CNTN4: variants seen among roughly 807,000 people sequenced by gnomAD.
CNTN4 encodes the protein contactin 4.
Under a neutral mutation model 122.5 loss-of-function variants are expected in CNTN4, and 77 were observed. The observed-to-expected ratio is 0.63, with a 90% CI of 0.52 to 0.76. The LOEUF (loss-of-function observed/expected upper bound fraction) is 0.76, where lower values mean the gene tolerates loss of function less well. Among genes scored for constraint, CNTN4 ranks in the 30% least tolerant of loss-of-function variants. CNTN4 has a pLI of 0.00. For missense variants in CNTN4, 1,256 were observed against 1,259.1 expected (o/e 1.00, Z 0.04); for synonymous variants, 512 against 447.0 (o/e 1.15, Z -1.83).
chr3:3,008,951 T>C (rs1696912813), intron 14 of CNTN4: 1 of 985,040 alleles, frequency 1.0e-6, no homozygotes, highest in Non-Finnish European at 1.2e-6. Context: ...CGCCAAACCT[T>C]GGGCTGCACG....
At chr3:2,145,225 C>A (rs2035187756) in intron 2 of CNTN4, among the ~76,000 whole-genome samples, 1 of 152,202 alleles carries the variant, frequency 6.6e-6, no homozygotes, top group Admixed American at 6.5e-5. Context: ...CAAATTAGTT[C>A]TGGTGGCATT....
intron 24 of CNTN4, 140 bp from the exon 25 acceptor site, chr3:3,055,980 A>G: frequency 1.6e-6 from 1 of 633,632 alleles, no homozygotes. Context: ...CATAGAACTG[A>G]TATTTAAAAG....
chr3:2,146,244 A>C (rs2035243396), intron 2 of CNTN4, among the ~76,000 whole-genome samples: 1 of 151,278 alleles, frequency 6.6e-6, no homozygotes, highest in African/African-American at 2.4e-5. Flanking sequence ...TTCAGTCATC[A>C]TATGCTAAAC....
At chr3:2,824,459 A>AC (rs902900508) in intron 7 of CNTN4, among the ~76,000 whole-genome samples, 29 of 151,556 alleles carry the variant, frequency 1.9e-4, no homozygotes, top group Middle Eastern at 3.4e-3. Context: ...TCTGGCTCAA[A>AC]AAAAACAAAA....
rs189009924 is a variant in CNTN4 at position 2,404,613 on chromosome 3, A to G, written c.-89+65380A>G. On this transcript the variant is annotated intron_variant, in intron 3 of 24. Coordinates refer to ENST00000418658, the MANE Select transcript of CNTN4 (RefSeq NM_175607.3). ...TGCTTTTAAGGACTCATATGATTAC[A>G]TTGGGCCAACTGATTATCTAGGGTA... Among the ~76,000 whole-genome samples, 299 of 152,166 alleles carry G rather than the reference A, an allele frequency of 2.0e-3. 1 individual carries two copies. Among genetic ancestry groups the G allele is most frequent in the African/African-American group, 6.7e-3 (278 of 41,518 alleles).
chr3:2,965,604 T>A (rs911860710), intron 13 of CNTN4, among the ~76,000 whole-genome samples: 3 of 152,254 alleles, frequency 2.0e-5, no homozygotes, highest in Admixed American at 1.3e-4. Context: ...CTTCTTCTTA[T>A]ATCTAAATTG....
chr3:2,946,721 T>G (rs2094683189), intron 13 of CNTN4, among the ~76,000 whole-genome samples: 2 of 146,548 alleles, frequency 1.4e-5, no homozygotes, highest in Admixed American at 6.9e-5. Flanking sequence ...TTTTTTTTTT[T>G]GAGACAGAGT....
intron 3 of CNTN4, among the ~76,000 whole-genome samples, chr3:2,420,004 A>T (rs1162457818): frequency 6.6e-6 from 1 of 152,196 alleles, no homozygotes; most frequent in Non-Finnish European, 1.5e-5. Context: ...CATTGGCAAC[A>T]TGACATCTGG....
intron 14 of CNTN4, among the ~76,000 whole-genome samples, chr3:3,024,698 G>C (rs1287258493): frequency 6.6e-6 from 1 of 152,080 alleles, no homozygotes; most frequent in African/African-American, 2.4e-5. Flanking sequence ...TTTTGTAACT[G>C]AGAGATTTTC....
chr3:2,766,853 A>G (rs545537717), intron 6 of CNTN4, among the ~76,000 whole-genome samples: 1 of 152,198 alleles, frequency 6.6e-6, no homozygotes, highest in Admixed American at 6.5e-5. Flanking sequence ...ACACAGCAAT[A>G]TTAATGACCA....
intron 13 of CNTN4, among the ~76,000 whole-genome samples, chr3:2,973,974 T>C (rs894109293): frequency 6.6e-5 from 10 of 152,226 alleles, no homozygotes; most frequent in African/African-American, 2.2e-4. Context: ...ACTCAGATCA[T>C]CTTGGATGGT....
chr3:2,619,211 A>G (rs2081899016), intron 4 of CNTN4, among the ~76,000 whole-genome samples: 1 of 152,238 alleles, frequency 6.6e-6, no homozygotes, highest in Admixed American at 6.5e-5. Flanking sequence ...GCAGAAGCAA[A>G]CTATAAAAGA....
At chr3:2,720,433 A>G (rs936543335) in intron 4 of CNTN4, among the ~76,000 whole-genome samples, 3 of 152,192 alleles carry the variant, frequency 2.0e-5, no homozygotes, top group Non-Finnish European at 4.4e-5. Flanking sequence ...GGAAGATTAA[A>G]GGTAGGTTTT....
intron 2 of CNTN4, among the ~76,000 whole-genome samples, chr3:2,258,740 C>T (rs964048193): frequency 1.3e-5 from 2 of 152,028 alleles, no homozygotes; most frequent in Non-Finnish European, 2.9e-5. Context: ...ATACTTTGAA[C>T]TGGCATCTCA....
At chr3:2,257,829 C>T (rs1052994485) in intron 2 of CNTN4, among the ~76,000 whole-genome samples, 3 of 151,976 alleles carry the variant, frequency 2.0e-5, no homozygotes, top group Non-Finnish European at 2.9e-5. Flanking sequence ...CTTGGGAGGC[C>T]GAGGTGGGCC....
intron 3 of CNTN4, among the ~76,000 whole-genome samples, chr3:2,508,345 G>A (rs938501278): frequency 6.6e-6 from 1 of 152,202 alleles, no homozygotes; most frequent in African/African-American, 2.4e-5. Context: ...GACTTTTAGT[G>A]AGAGATGCAA....
At chr3:2,863,645 T>C (rs2093693440) in intron 7 of CNTN4, among the ~76,000 whole-genome samples, 1 of 152,082 alleles carries the variant, frequency 6.6e-6, no homozygotes, top group Non-Finnish European at 1.5e-5. Flanking sequence ...TTGAACTAAT[T>C]GGTACAGCGT....
intron 3 of CNTN4, among the ~76,000 whole-genome samples, chr3:2,411,671 T>C (rs1257254557): frequency 3.3e-5 from 5 of 152,184 alleles, no homozygotes; most frequent in Non-Finnish European, 7.3e-5. Context: ...TCCTGCTCTT[T>C]CTTTCTTCCT....
At chr3:2,556,519 A>G (rs2078726536) in intron 3 of CNTN4, among the ~76,000 whole-genome samples, 1 of 152,164 alleles carries the variant, frequency 6.6e-6, no homozygotes, top group South Asian at 2.1e-4. Flanking sequence ...AGGTTTTTTT[A>G]TAAACAAGTA....
Sources: gnomAD v4.1 joint callset for allele counts (sites outside exome capture counted in the v4.1 genomes callset) on GRCh38, gnomAD v4.1.1 for gene constraint, MANE v1.5 for transcripts, NCBI Gene and HGNC (gene_info 2026-07-23, HGNC 2026-07-21) for gene names.